Variants in XIRP2 observed in about 807,000 individuals in gnomAD.
XIRP2 encodes xin actin binding repeat containing 2, also known as xin actin-binding repeat-containing protein 2.
In XIRP2, 236 loss-of-function variants were observed where a neutral mutation model predicts 277.0. The ratio of observed to expected loss-of-function variants is 0.85; its 90% CI spans 0.77 to 0.95. XIRP2 has a LOEUF of 0.95. Among genes scored for constraint, XIRP2 ranks in the 40% least tolerant of loss-of-function variants. XIRP2 has a pLI of 0.00. For missense variants in XIRP2, 4,640 were observed against 4,157.5 expected (o/e 1.12, Z -3.19); for synonymous variants, 1,490 against 1,416.5 (o/e 1.05, Z -1.17).
intron 2 of XIRP2, among the ~76,000 whole-genome samples, chr2:167,047,752 T>C (rs967942717): frequency 3.3e-5 from 5 of 151,954 alleles, no homozygotes; most frequent in African/African-American, 1.2e-4. Context: ...GATTTCTTTA[T>C]GGCTATGCCA....
chr2:167,249,137 A>G lies in XIRP2; in HGVS notation c.7745A>G (p.Glu2582Gly). The G allele has an allele frequency of 6.2e-7, 1 of 1,613,802 alleles. No homozygotes were observed. The highest frequency in any genetic ancestry group is 8.5e-7 in the Non-Finnish European group (1 of 1,179,828). Reference sequence around the variant, plus strand: ...CAAAGCCAAAATCAACACATAACAGAGGTGGAAAAGGAAATGCCATTACAA... The same window carrying G: ...CAAAGCCAAAATCAACACATAACAGGGGTGGAAAAGGAAATGCCATTACAA... ...KTQSQNQHIT[E>G]VEKEMPLQKT... The change falls in exon 9 of 11, where the codon GAG becomes GGG. Residue 2582 changes from glutamate to glycine, a missense_variant. Glu to Gly is a moderately conservative substitution (Grantham distance 98). Coordinates refer to ENST00000409195, the MANE Select transcript of XIRP2 (RefSeq NM_152381.6).
At chr2:167,042,383 G>A (rs1688680025) in intron 2 of XIRP2, among the ~76,000 whole-genome samples, 1 of 152,080 alleles carries the variant, frequency 6.6e-6, no homozygotes, top group Non-Finnish European at 1.5e-5. Context: ...AGCTTAAAAG[G>A]CACAGAGTGA....
At chr2:166,897,288 G>GAC (rs1684269150) in intron 1 of XIRP2, among the ~76,000 whole-genome samples, 1 of 152,110 alleles carries the variant, frequency 6.6e-6, no homozygotes, top group Non-Finnish European at 1.5e-5. Flanking sequence ...CTAGCACTCA[G>GAC]TGGCCCTACG....
At chr2:166,900,697 C>T (rs997367418) in intron 1 of XIRP2, among the ~76,000 whole-genome samples, 7 of 152,104 alleles carry the variant, frequency 4.6e-5, no homozygotes, top group African/African-American at 1.7e-4. Flanking sequence ...GCCATCACCC[C>T]TGCTGGCTGG....
intron 5 of XIRP2, among the ~76,000 whole-genome samples, chr2:167,225,066 A>T (rs1482839360): frequency 6.6e-6 from 1 of 152,222 alleles, no homozygotes; most frequent in African/African-American, 2.4e-5. Flanking sequence ...GATAAGGTGG[A>T]CCAAGAAAGA....
At chr2:167,133,990 T>C (rs1179159529) in intron 2 of XIRP2, among the ~76,000 whole-genome samples, 2 of 152,184 alleles carry the variant, frequency 1.3e-5, no homozygotes, top group Non-Finnish European at 2.9e-5. Context: ...TTTCTCTATT[T>C]TTCTCCTGCA....
chr2:167,087,265 G>A (rs1158384766), intron 2 of XIRP2, among the ~76,000 whole-genome samples: 1 of 152,178 alleles, frequency 6.6e-6, no homozygotes, highest in Admixed American at 6.5e-5. Context: ...GGAGGTCAGG[G>A]GTCAGGGACC....
At chr2:167,105,436 T>C (rs1382929334) in intron 2 of XIRP2, among the ~76,000 whole-genome samples, 1 of 152,000 alleles carries the variant, frequency 6.6e-6, no homozygotes, top group African/African-American at 2.4e-5. Flanking sequence ...ATTGGCTTTC[T>C]TCATTCAGCT....
intron 2 of XIRP2, among the ~76,000 whole-genome samples, chr2:167,011,100 A>C (rs866507838): frequency 1.3e-4 from 19 of 150,408 alleles, no homozygotes; most frequent in Admixed American, 3.3e-4. Context: ...CAGAACTTCC[A>C]ACACTATGTT....
Position 167,248,853 on chromosome 2 carries a change from T to G in XIRP2, c.7461T>G (p.Asp2487Glu), listed in dbSNP as rs777074793. Residue 2487 changes from aspartate to glutamate, a missense_variant, in exon 9 of 11, where the codon GAT (aspartate) becomes GAG (glutamate). Physicochemically the swap from Asp to Glu is conservative, Grantham distance 45. Transcript: ENST00000409195. ...TKQNVISKSL[D>E]ERKQLSIDSA... ...AGAACGTTATTAGTAAGAGTCTTGA[T>G]GAAAGAAAACAATTATCTATTGACT... 1 of 1,613,570 alleles carries G rather than the reference T, an allele frequency of 6.2e-7. No individual in the cohort carries two copies. The highest frequency in any genetic ancestry group is 8.5e-7 in the Non-Finnish European group (1 of 1,179,770).
intron 2 of XIRP2, among the ~76,000 whole-genome samples, chr2:166,967,199 T>G (rs569928003): frequency 6.6e-6 from 1 of 151,806 alleles, no homozygotes; most frequent in South Asian, 2.1e-4. Context: ...ATAAATAAAA[T>G]AAAACGTTTG....
chr2:166,977,394 T>G (rs889742465), intron 2 of XIRP2, among the ~76,000 whole-genome samples: 28 of 152,210 alleles, frequency 1.8e-4, no homozygotes, highest in Admixed American at 1.8e-3. Context: ...ATAGGGAGAC[T>G]GCTTATATTT....
chr2:166,963,675 G>C (rs1019543003), intron 2 of XIRP2, among the ~76,000 whole-genome samples: 1 of 151,786 alleles, frequency 6.6e-6, no homozygotes, highest in East Asian at 1.9e-4. Context: ...ATGTGAGATG[G>C]ATTCAGGAAC....
intron 2 of XIRP2, among the ~76,000 whole-genome samples, chr2:166,915,030 G>C (rs1574075265): frequency 1.3e-5 from 2 of 151,962 alleles, no homozygotes; most frequent in East Asian, 3.9e-4. Flanking sequence ...GGGAGCGGTG[G>C]CTCACACCTG....
At chr2:166,958,721 T>A (rs935569713) in intron 2 of XIRP2, among the ~76,000 whole-genome samples, 4 of 151,798 alleles carry the variant, frequency 2.6e-5, no homozygotes, top group African/African-American at 9.7e-5. Flanking sequence ...ATTTTTATTT[T>A]ACTGGGCTAA....
chr2:167,062,796 T>C (rs1231123803), intron 2 of XIRP2, among the ~76,000 whole-genome samples: 1 of 152,074 alleles, frequency 6.6e-6, no homozygotes, highest in Non-Finnish European at 1.5e-5. Context: ...ATACTTCTCT[T>C]TCATTATGAT....
rs369697617 is a variant in XIRP2 at position 167,238,244 on chromosome 2, C to T, written c.859-1611C>T. Among the ~76,000 whole-genome samples, 20 of 152,226 alleles carry T rather than the reference C, an allele frequency of 1.3e-4. No individual in the cohort carries two copies. In the South Asian group the frequency reaches 1.7e-3, roughly 13 times the overall value. On this transcript the variant is annotated intron_variant, in intron 5 of 10. Coordinates refer to ENST00000409195, the MANE Select transcript of XIRP2 (RefSeq NM_152381.6). Reference sequence around the variant, plus strand: ...GTGTTAAACATATTATCAAATATCACTTGAAATATGTGGATTATTAACTAT... The same window carrying T: ...GTGTTAAACATATTATCAAATATCATTTGAAATATGTGGATTATTAACTAT...
intron 2 of XIRP2, among the ~76,000 whole-genome samples, chr2:167,019,219 A>T (rs923660810): frequency 2.0e-5 from 3 of 152,026 alleles, no homozygotes; most frequent in Non-Finnish European, 4.4e-5. Flanking sequence ...GGGGTAGATG[A>T]ACTCTCAAGG....
chr2:167,065,462 T>C (rs1375143710), intron 2 of XIRP2, among the ~76,000 whole-genome samples: 1 of 151,924 alleles, frequency 6.6e-6, no homozygotes, highest in Admixed American at 6.6e-5. Context: ...TTCTAGGTGA[T>C]GGCTTTTCAG....
Sources: gnomAD v4.1 joint callset for allele counts (sites outside exome capture counted in the v4.1 genomes callset) on GRCh38, gnomAD v4.1.1 for gene constraint, MANE v1.5 for transcripts, NCBI Gene and HGNC (gene_info 2026-07-23, HGNC 2026-07-21) for gene names.